FSTL5: variants seen among roughly 807,000 people sequenced by gnomAD.
The protein encoded by FSTL5 is follistatin-related protein 5.
A neutral mutation model predicts 89.1 loss-of-function variants in FSTL5; 62 were observed. The ratio of observed to expected loss-of-function variants is 0.70; its 90% CI spans 0.57 to 0.86. The LOEUF (loss-of-function observed/expected upper bound fraction) is 0.86, where lower values mean the gene tolerates loss of function less well. Ranked by LOEUF, FSTL5 falls within the 40% of genes least tolerant of loss-of-function variation. The pLI is 0.00. For missense variants in FSTL5, 1,057 were observed against 1,001.6 expected (o/e 1.06, Z -0.75); for synonymous variants, 383 against 346.2 (o/e 1.11, Z -1.18).
chr4:162,076,106 G>C (rs1289859765), intron 2 of FSTL5, among the ~76,000 whole-genome samples: 6 of 151,854 alleles, frequency 4.0e-5, no homozygotes, highest in Non-Finnish European at 8.8e-5. Flanking sequence ...GGAATCTCAA[G>C]CACAAATACT....
intron 15 of FSTL5, among the ~76,000 whole-genome samples, chr4:161,440,958 T>C (rs766487552): frequency 4.6e-5 from 7 of 152,194 alleles, no homozygotes; most frequent in African/African-American, 7.2e-5. Context: ...TCTAAACATT[T>C]ACCTACCTGA....
At chr4:162,015,577 T>C (rs1736893941) in intron 3 of FSTL5, among the ~76,000 whole-genome samples, 1 of 152,148 alleles carries the variant, frequency 6.6e-6, no homozygotes, top group African/African-American at 2.4e-5. Context: ...TGGGGGGTGA[T>C]GGATAATTTC....
intron 2 of FSTL5, among the ~76,000 whole-genome samples, chr4:162,079,848 A>T (rs1730020016): frequency 6.6e-6 from 1 of 151,508 alleles, no homozygotes. Context: ...GTAATGCTAG[A>T]ATGTGGGATG....
chr4:161,598,587 C>T (rs750183856), intron 7 of FSTL5, among the ~76,000 whole-genome samples: 1 of 152,026 alleles, frequency 6.6e-6, no homozygotes, highest in Non-Finnish European at 1.5e-5. Flanking sequence ...GATAAAGTGT[C>T]TCTGGAAACA....
intron 4 of FSTL5, among the ~76,000 whole-genome samples, chr4:161,831,662 A>G (rs911337224): frequency 2.6e-5 from 4 of 151,936 alleles, no homozygotes; most frequent in African/African-American, 9.7e-5. Flanking sequence ...TTATTCTAAT[A>G]TATTTTTCCA....
At chr4:161,616,702 G>A (rs933311778) in intron 7 of FSTL5, among the ~76,000 whole-genome samples, 1 of 151,864 alleles carries the variant, frequency 6.6e-6, no homozygotes, top group African/African-American at 2.4e-5. Context: ...ATTGGGGGTG[G>A]GAGTGGGGTG....
At chr4:161,410,545 T>G (rs915621568) in intron 15 of FSTL5, among the ~76,000 whole-genome samples, 1 of 151,928 alleles carries the variant, frequency 6.6e-6, no homozygotes. Flanking sequence ...CACAGTGAAA[T>G]GAAAATAGAA....
chr4:161,643,754 A>G (rs1038468457), intron 7 of FSTL5, among the ~76,000 whole-genome samples: 2 of 152,194 alleles, frequency 1.3e-5, no homozygotes, highest in Non-Finnish European at 2.9e-5. Flanking sequence ...GAAATTGTTG[A>G]ACTGTGCTAG....
intron 6 of FSTL5, among the ~76,000 whole-genome samples, chr4:161,668,429 T>C (rs549398126): frequency 6.6e-5 from 10 of 152,336 alleles, no homozygotes; most frequent in Admixed American, 5.9e-4. Flanking sequence ...TGATGAATTC[T>C]ACCAAACATT....
intron 15 of FSTL5, among the ~76,000 whole-genome samples, chr4:161,430,852 T>C (rs1327362730): frequency 3.3e-5 from 5 of 152,238 alleles, no homozygotes; most frequent in Non-Finnish European, 7.4e-5. Flanking sequence ...CTCCAGTACA[T>C]TGGCAGCAGA....
chr4:161,912,924 T>C (rs1414535595), intron 4 of FSTL5, among the ~76,000 whole-genome samples: 1 of 152,170 alleles, frequency 6.6e-6, no homozygotes, highest in East Asian at 1.9e-4. Flanking sequence ...CAAAGGTGAC[T>C]CTTTTTATGT....
At chr4:161,889,323 C>T (rs866268371) in intron 4 of FSTL5, among the ~76,000 whole-genome samples, 10 of 151,998 alleles carry the variant, frequency 6.6e-5, no homozygotes, top group Middle Eastern at 3.2e-3. Context: ...AATGGTAATC[C>T]ATGTTTATCC....
At chr4:161,869,226 G>C (rs1221570078) in intron 4 of FSTL5, among the ~76,000 whole-genome samples, 1 of 152,104 alleles carries the variant, frequency 6.6e-6, no homozygotes, top group Non-Finnish European at 1.5e-5. Flanking sequence ...AATAAATAAT[G>C]CATATCTCAG....
chr4:161,732,698 T>C lies in FSTL5; in HGVS notation c.727+26713A>G, dbSNP rs1375896940. Among the ~76,000 whole-genome samples, 63 of 151,996 alleles carry C rather than the reference T, an allele frequency of 4.1e-4. 1 individual carries two copies. Among genetic ancestry groups the C allele is most frequent in the Non-Finnish European group, 5.9e-5 (4 of 67,950 alleles). ...GATGTGAGGTAAGGATTAAAGTGTG[T>C]TTGTTTATTTTGTCTATGCATATTT... On this transcript the variant is annotated intron_variant, in intron 6 of 15. Transcript: ENST00000306100.
intron 6 of FSTL5, among the ~76,000 whole-genome samples, chr4:161,746,178 A>G (rs1049187261): frequency 1.3e-5 from 2 of 151,988 alleles, no homozygotes; most frequent in Non-Finnish European, 2.9e-5. Context: ...GTTGTCACCA[A>G]TTTATTTAGG....
chr4:161,955,007 A>T (rs573623769), intron 3 of FSTL5, among the ~76,000 whole-genome samples: 1 of 150,572 alleles, frequency 6.6e-6, no homozygotes, highest in East Asian at 1.9e-4. Flanking sequence ...CATGAGGGAA[A>T]TTTACTGAGA....
intron 4 of FSTL5, among the ~76,000 whole-genome samples, chr4:161,845,579 C>T (rs1418905755): frequency 6.6e-6 from 1 of 152,130 alleles, no homozygotes; most frequent in African/African-American, 2.4e-5. Flanking sequence ...GAAACTTTTG[C>T]CTTAGAATAC....
At chr4:161,890,896 A>G (rs1056374596) in intron 4 of FSTL5, among the ~76,000 whole-genome samples, 7 of 151,944 alleles carry the variant, frequency 4.6e-5, no homozygotes, top group African/African-American at 1.7e-4. Context: ...GCCTCTTTTG[A>G]TTGAACGTTA....
chr4:161,525,939 T>TCATACTG (rs1731204057), intron 10 of FSTL5, among the ~76,000 whole-genome samples: 1 of 152,310 alleles, frequency 6.6e-6, no homozygotes, highest in East Asian at 1.9e-4. Flanking sequence ...TTTACATAAT[T>TCATACTG]CATACTGATA....
Sources: allele counts gnomAD v4.1 joint callset (sites outside exome capture counted in the v4.1 genomes callset), GRCh38; gene constraint gnomAD v4.1.1; transcripts MANE v1.5; gene names NCBI Gene and HGNC (gene_info 2026-07-23, HGNC 2026-07-21).